Variants in PRRC2C observed in about 807,000 individuals in gnomAD.
The protein encoded by PRRC2C is proline rich coiled-coil 2C, also known as protein PRRC2C.
PRRC2C carries 72 observed loss-of-function variants against 317.2 expected under a neutral mutation model. The ratio of observed to expected loss-of-function variants is 0.23; its 90% CI spans 0.19 to 0.28. The LOEUF (loss-of-function observed/expected upper bound fraction) is 0.28, where lower values mean the gene tolerates loss of function less well. Among genes scored for constraint, PRRC2C ranks in the 10% least tolerant of loss-of-function variants. The probability of loss-of-function intolerance (pLI) is 1.00; values close to 1 mark genes in which losing one functional copy is unlikely to be tolerated. For synonymous variants in PRRC2C, 1,296 were observed against 1,205.9 expected (o/e 1.07, Z -1.55); for missense variants, 3,074 against 3,459.7 (o/e 0.89, Z 2.80).
intron 18 of PRRC2C, among the ~76,000 whole-genome samples, chr1:171,554,784 T>G (rs1198925457): frequency 6.6e-6 from 1 of 152,238 alleles, no homozygotes; most frequent in Non-Finnish European, 1.5e-5. Context: ...ATGTTGAATA[T>G]TGGCCCCCAC....
intron 13 of PRRC2C, 73 bp from the exon 14 acceptor site, chr1:171,535,956 T>C: frequency 2.7e-6 from 4 of 1,507,126 alleles, no homozygotes; most frequent in Non-Finnish European, 9.0e-7. Context: ...GGCCATTATT[T>C]TGTGATATGA....
In PRRC2C at chr1:171,528,700, A is replaced by C. The variant is rs189744970; in HGVS notation, c.1254+856A>C. ...TTCCCACTCTACCTTTGAAACTATTATTATCAGAGTCAGTGATGACTTCCA... is the reference window on the plus strand; with the variant it reads ...TTCCCACTCTACCTTTGAAACTATTCTTATCAGAGTCAGTGATGACTTCCA... On this transcript the variant is annotated intron_variant, in intron 11 of 34. Coordinates refer to ENST00000647382, the MANE Select transcript of PRRC2C (RefSeq NM_001387844.1). Among the ~76,000 whole-genome samples, 147 of 152,208 alleles carry C rather than the reference A, an allele frequency of 9.7e-4. 1 individual carries two copies. Among genetic ancestry groups the C allele is most frequent in the Non-Finnish European group, 1.4e-3 (95 of 68,010 alleles).
rs61814750 is a variant in PRRC2C, at chr1:171,588,497, G to C, written c.8191G>C (p.Ala2731Pro). ...GACACAACCATTTCCTACACAGTTT[G>C]CACCCCAGGTGGGCAGACATAATTA... The part of the protein sequence containing the change: ...RMTQPFPTQF[A>P]PQILSQPNLV... The change falls in exon 33 of 35, where the codon GCA (alanine) becomes CCA (proline). Residue 2731 changes from alanine to proline, a missense_variant. Around this residue, in one of 11 missense-constraint regions of PRRC2C, gnomAD observed 490 missense variants for 663.1 expected, o/e 0.74. Coordinates refer to ENST00000647382, the MANE Select transcript of PRRC2C (RefSeq NM_001387844.1). 1.2e-6 allele frequency: 2 copies of C among 1,613,614 alleles called. No individual in the cohort carries two copies. Among genetic ancestry groups the C allele is most frequent in the Non-Finnish European group, 8.5e-7 (1 of 1,179,700 alleles).
At chr1:171,577,770 C>CAT (rs138767556) in intron 26 of PRRC2C, 133 bp downstream of exon 26, 11 of 331,118 alleles carry the variant, frequency 3.3e-5, no homozygotes, top group East Asian at 1.8e-4. Context: ...TTTAAATTCG[C>CAT]ATTTTTTTTT....
intron 1 of PRRC2C, 91 bp from the exon 2 acceptor site, chr1:171,511,941 A>G (rs1201148507): frequency 7.8e-6 from 4 of 510,720 alleles, no homozygotes; most frequent in Admixed American, 3.7e-5. Flanking sequence ...TGAAATTATC[A>G]TTGATATGGG....
chr1:171,505,636 C>G (rs1670036427), intron 1 of PRRC2C, among the ~76,000 whole-genome samples: 1 of 152,012 alleles, frequency 6.6e-6, no homozygotes, highest in Non-Finnish European at 1.5e-5. Context: ...GAGTGGATAT[C>G]CTTACCTCAT....
chr1:171,509,012 G>A (rs568723393), intron 1 of PRRC2C, among the ~76,000 whole-genome samples: 135 of 151,724 alleles, frequency 8.9e-4, no homozygotes, highest in African/African-American at 3.1e-3. Context: ...TCAGCCTCCC[G>A]AGTAGCTGGG....
chr1:171,572,169 A>G (rs553133061), intron 24 of PRRC2C, among the ~76,000 whole-genome samples: 97 of 152,152 alleles, frequency 6.4e-4, no homozygotes, highest in African/African-American at 2.0e-3. Context: ...AATTTTTTTT[A>G]AATAGAGATG....
intron 20 of PRRC2C, among the ~76,000 whole-genome samples, chr1:171,562,137 A>C (rs550228867): frequency 6.6e-6 from 1 of 152,350 alleles, no homozygotes; most frequent in South Asian, 2.1e-4. Flanking sequence ...CTTGAGTTAA[A>C]GACTTGAAGG....
At chr1:171,510,375 T>G (rs1270470102) in intron 1 of PRRC2C, 1 of 152,212 alleles carries the variant, frequency 6.6e-6, no homozygotes, top group African/African-American at 2.4e-5. Context: ...GTTAAATAAC[T>G]TAAGCAAGTT....
At chr1:171,494,296 C>T (rs1002191333) in intron 1 of PRRC2C, among the ~76,000 whole-genome samples, 6 of 152,156 alleles carry the variant, frequency 3.9e-5, no homozygotes. Context: ...TTTCCAGGAA[C>T]AGCCTGAGCC....
At chr1:171,552,529 C>T (rs963699746) in intron 18 of PRRC2C, among the ~76,000 whole-genome samples, 2 of 152,184 alleles carry the variant, frequency 1.3e-5, no homozygotes, top group African/African-American at 4.8e-5. Context: ...GAGGGCATCC[C>T]TGTCTTGTGC....
At chr1:171,538,198 A>G (rs548671770) in intron 15 of PRRC2C, among the ~76,000 whole-genome samples, 1 of 151,544 alleles carries the variant, frequency 6.6e-6, no homozygotes, top group African/African-American at 2.4e-5. Context: ...CTGGTCTTGA[A>G]CTCTTGGGCT....
intron 23 of PRRC2C, among the ~76,000 whole-genome samples, chr1:171,570,298 T>G (rs370361377): frequency 6.6e-6 from 1 of 152,352 alleles, no homozygotes; most frequent in African/African-American, 2.4e-5. Context: ...AGAACTTTTG[T>G]CTTTCTTAAT....
Position 171,558,032 on chromosome 1 carries a change from G to A in PRRC2C, c.5920G>A (p.Val1974Ile), listed in dbSNP as rs1557999864. The A allele has an allele frequency of 1.9e-6, 3 of 1,613,998 alleles. No homozygotes were observed. Among genetic ancestry groups the A allele is most frequent in the Non-Finnish European group, 2.5e-6 (3 of 1,179,900 alleles). The change falls in exon 19 of 35, where the codon GTA becomes ATA. Residue 1974 changes from valine (V) to isoleucine (I), a missense_variant. Val to Ile is a conservative substitution (Grantham distance 29). This residue lies in a region of PRRC2C where 640 missense variants were observed against 676.1 expected (regional missense o/e 0.95). Transcript: ENST00000647382. ...TCAAACACCTAATGGCACAGATTAT[G>A]TAGCCTCAGGAAAATCCATCCAGAC... Reference protein sequence around the residue: ...SAQTPNGTDYVASGKSIQTPQ... With the variant: ...SAQTPNGTDYIASGKSIQTPQ...
chr1:171,526,632 C>T (rs888188268), intron 10 of PRRC2C, among the ~76,000 whole-genome samples: 2 of 152,084 alleles, frequency 1.3e-5, no homozygotes, highest in Non-Finnish European at 2.9e-5. Flanking sequence ...GGCACCACGC[C>T]TGGCTAAAAT....
At chr1:171,563,830 T>C (rs894270426) in intron 20 of PRRC2C, among the ~76,000 whole-genome samples, 3 of 152,166 alleles carry the variant, frequency 2.0e-5, no homozygotes, top group Non-Finnish European at 4.4e-5. Context: ...TGATTAGTCA[T>C]AGAGAGCATT....
chr1:171,524,655 T>C (rs924914766), intron 9 of PRRC2C, among the ~76,000 whole-genome samples, 166 bp from the exon 10 acceptor site: 2 of 152,230 alleles, frequency 1.3e-5, no homozygotes, highest in African/African-American at 4.8e-5. Context: ...AGTATATATT[T>C]ATTGAAAGAA....
intron 3 of PRRC2C, 176 bp downstream of exon 3, chr1:171,513,348 T>C: frequency 3.9e-6 from 3 of 771,056 alleles, no homozygotes; most frequent in Non-Finnish European, 6.4e-6. Context: ...ATTAAAAGTA[T>C]TTCAATTTGT....
Sources: gnomAD v4.1 joint callset for allele counts (sites outside exome capture counted in the v4.1 genomes callset) on GRCh38, gnomAD v4.1.1 for gene constraint, gnomAD v4.1.1 regional missense constraint, MANE v1.5 for transcripts, NCBI Gene and HGNC (gene_info 2026-07-23, HGNC 2026-07-21) for gene names.